SNTG1: variants seen among roughly 807,000 people sequenced by gnomAD.
SNTG1 encodes the protein gamma-1-syntrophin.
A neutral mutation model predicts 74.7 loss-of-function variants in SNTG1; 39 were observed. The ratio of observed to expected loss-of-function variants is 0.52; its 90% CI spans 0.40 to 0.68. SNTG1 has a LOEUF of 0.68. Among genes scored for constraint, SNTG1 ranks in the 30% least tolerant of loss-of-function variants. The pLI is 0.00. For missense variants in SNTG1, 685 were observed against 609.5 expected (o/e 1.12, Z -1.30); for synonymous variants, 254 against 217.1 (o/e 1.17, Z -1.49).
intron 1 of SNTG1, among the ~76,000 whole-genome samples, chr8:50,109,398 A>G (rs2080496873): frequency 6.6e-6 from 1 of 152,182 alleles, no homozygotes; most frequent in Non-Finnish European, 1.5e-5. Context: ...TCACATTACC[A>G]AAAACATGCC....
chr8:50,734,409 AT>A (rs1422741207), intron 17 of SNTG1, among the ~76,000 whole-genome samples: 4 of 151,574 alleles, frequency 2.6e-5, no homozygotes, highest in Non-Finnish European at 5.9e-5. Context: ...GAATAAATAA[AT>A]TTTTTAAATG....
chr8:50,548,007 A>G (rs2094399956), intron 11 of SNTG1, among the ~76,000 whole-genome samples: 1 of 152,226 alleles, frequency 6.6e-6, no homozygotes, highest in South Asian at 2.1e-4. Context: ...GCATCTGCAT[A>G]TGTAATACCT....
chr8:50,161,671 C>T (rs2131595668), intron 1 of SNTG1, among the ~76,000 whole-genome samples: 2 of 151,844 alleles, frequency 1.3e-5, no homozygotes, highest in East Asian at 3.9e-4. Flanking sequence ...AGTGATTGGC[C>T]CTTGAGTGCA....
chr8:50,098,783 T>A (rs1188209298), intron 1 of SNTG1, among the ~76,000 whole-genome samples: 5 of 152,200 alleles, frequency 3.3e-5, no homozygotes, highest in African/African-American at 1.2e-4. Context: ...TTAACATGAA[T>A]ATATACAGTC....
At chr8:50,637,659 G>T (rs1008043299) in intron 13 of SNTG1, among the ~76,000 whole-genome samples, 1 of 151,992 alleles carries the variant, frequency 6.6e-6, no homozygotes, top group African/African-American at 2.4e-5. Flanking sequence ...CGCAGGATTG[G>T]ATGCATTATC....
intron 11 of SNTG1, among the ~76,000 whole-genome samples, chr8:50,540,599 C>T (rs1359623859): frequency 6.6e-6 from 1 of 151,960 alleles, no homozygotes; most frequent in Non-Finnish European, 1.5e-5. Flanking sequence ...GGTAAAGTGT[C>T]CCACTATGAT....
At chr8:50,257,850 C>T (rs2086962747) in intron 2 of SNTG1, among the ~76,000 whole-genome samples, 1 of 152,146 alleles carries the variant, frequency 6.6e-6, no homozygotes, top group South Asian at 2.1e-4. Context: ...AACAATTATG[C>T]CCCTGGGTCT....
chr8:50,286,419 G>A (rs908684633), intron 2 of SNTG1: 2 of 152,156 alleles, frequency 1.3e-5, no homozygotes, highest in African/African-American at 4.8e-5. Context: ...GCAGTCACTT[G>A]TGCCATTTAT....
At chr8:50,019,316 C>A (rs1291651869) in intron 1 of SNTG1, among the ~76,000 whole-genome samples, 1 of 151,948 alleles carries the variant, frequency 6.6e-6, no homozygotes, top group Admixed American at 6.6e-5. Context: ...CTTGGTAAGA[C>A]GTTCAGTCTT....
chr8:50,149,745 G>A (rs763460879), intron 1 of SNTG1, among the ~76,000 whole-genome samples: 11 of 152,204 alleles, frequency 7.2e-5, no homozygotes, highest in Non-Finnish European at 1.2e-4. Context: ...TGTTCCATTG[G>A]TCTATATCTC....
intron 1 of SNTG1, among the ~76,000 whole-genome samples, chr8:49,922,658 A>C (rs1414131217): frequency 6.6e-6 from 1 of 152,102 alleles, no homozygotes; most frequent in Non-Finnish European, 1.5e-5. Flanking sequence ...TGGAATTCCT[A>C]TATCATCATC....
At position 50,598,035 on chromosome 8, in the gene SNTG1, G is replaced by A. The variant is rs576218814; in HGVS notation, c.849+7118G>A. On this transcript the variant is annotated intron_variant, in intron 13 of 18. Transcript: ENST00000642720. ...ATGAGCAGAAGTTTTTTGTTTGTTC[G>A]TTTGTTTGTTTTTGTTTTTTGTTTT... is the stretch of plus-strand genomic sequence containing the variant. Among the ~76,000 whole-genome samples, 8 of 150,890 alleles carry A rather than the reference G, an allele frequency of 5.3e-5. No individual in the cohort carries two copies. In the South Asian group the frequency reaches 6.3e-4, roughly 12 times the overall value.
intron 15 of SNTG1, among the ~76,000 whole-genome samples, chr8:50,669,669 G>A (rs2095269267): frequency 6.6e-6 from 1 of 152,130 alleles, no homozygotes; most frequent in African/African-American, 2.4e-5. Flanking sequence ...GAAAAAGAGG[G>A]AATCCTCCCT....
intron 1 of SNTG1, among the ~76,000 whole-genome samples, chr8:50,112,515 CTTTT>C (rs34942560): frequency 1.5e-4 from 12 of 77,582 alleles, no homozygotes; most frequent in Admixed American, 4.5e-4. Context: ...TTAGTTCTTT[CTTTT>C]TTTTTTTTTT....
At chr8:50,217,233 A>G (rs548407888) in intron 2 of SNTG1, among the ~76,000 whole-genome samples, 4 of 152,200 alleles carry the variant, frequency 2.6e-5, no homozygotes, top group Admixed American at 2.6e-4. Flanking sequence ...ACACACCATA[A>G]TTTGTTTCAT....
chr8:50,018,273 C>G (rs1164772929), intron 1 of SNTG1, among the ~76,000 whole-genome samples: 3 of 152,074 alleles, frequency 2.0e-5, no homozygotes, highest in East Asian at 3.9e-4. Context: ...CTATTTTAAG[C>G]TTCAGTAATA....
chr8:50,348,233 C>T (rs1051712628), intron 2 of SNTG1, among the ~76,000 whole-genome samples: 4 of 152,114 alleles, frequency 2.6e-5, no homozygotes, highest in Non-Finnish European at 5.9e-5. Flanking sequence ...CCATGCCTTA[C>T]AGGTCAGAAA....
intron 2 of SNTG1, among the ~76,000 whole-genome samples, chr8:50,225,952 A>C (rs2085306828): frequency 6.6e-6 from 1 of 152,216 alleles, no homozygotes; most frequent in Non-Finnish European, 1.5e-5. Flanking sequence ...TTAAAAATTT[A>C]CACTATTGTT....
chr8:50,609,178 G>A (rs993916195), intron 13 of SNTG1, among the ~76,000 whole-genome samples: 5 of 152,046 alleles, frequency 3.3e-5, no homozygotes, highest in African/African-American at 1.2e-4. Flanking sequence ...CCTGGCATTA[G>A]TTTTCGTTTC....
Sources: gnomAD v4.1 joint callset for allele counts (sites outside exome capture counted in the v4.1 genomes callset) on GRCh38, gnomAD v4.1.1 for gene constraint, MANE v1.5 for transcripts, NCBI Gene and HGNC (gene_info 2026-07-23, HGNC 2026-07-21) for gene names.